Variants in DDX60 observed in about 807,000 individuals in gnomAD.
DDX60 encodes the protein probable ATP-dependent RNA helicase DDX60.
DDX60 carries 165 observed loss-of-function variants against 212.8 expected under a neutral mutation model. That is an observed-to-expected ratio of 0.78 (90% confidence interval 0.68 to 0.88). The LOEUF is 0.88. Among genes scored for constraint, DDX60 ranks in the 40% least tolerant of loss-of-function variants. The pLI is 0.00. For missense variants in DDX60, 1,905 were observed against 2,003.9 expected, an observed-to-expected ratio of 0.95 and a Z score of 0.94; for synonymous variants, 703 against 685.3, an observed-to-expected ratio of 1.03 and a Z score of -0.40.
intron 8 of DDX60, among the ~76,000 whole-genome samples, chr4:168,290,240 T>A (rs529016311): frequency 6.6e-6 from 1 of 152,120 alleles, no homozygotes; most frequent in East Asian, 1.9e-4. Context: ...TCCAGTTTCA[T>A]CCTCTCTGCA....
At position 168,308,170 on chromosome 4, in the gene DDX60, C is replaced by A; in HGVS notation, c.100G>T (p.Val34Phe). 6.4e-7 allele frequency: 1 copy of A among 1,571,256 alleles called. No homozygotes were observed. The highest frequency in any genetic ancestry group is 1.9e-5 in the Admixed American group (1 of 54,040). The change falls in exon 4 of 38, where the codon GTT becomes TTT. Residue 34 changes from valine to phenylalanine, a missense_variant. By Grantham distance (50) the Val-to-Phe change is conservative (BLOSUM62 -1). Coordinates refer to ENST00000393743, the MANE Select transcript of DDX60 (RefSeq NM_017631.6). ...TCAATCAAAAAAAATTCAGATTCAA[C>A]AAAATCATTGAATAAACTGGAATAT... ...AEYSSLFNDF[V>F]ESEFFLIDGD... is the part of the protein sequence containing the mutation.
intron 24 of DDX60, among the ~76,000 whole-genome samples, chr4:168,261,297 G>A (rs903268458): frequency 5.3e-5 from 8 of 152,078 alleles, no homozygotes; most frequent in African/African-American, 1.9e-4. Flanking sequence ...TATGACAGGA[G>A]GGCAAGTGTG....
chr4:168,245,865 T>A (rs1475632013), intron 30 of DDX60, among the ~76,000 whole-genome samples: 6 of 152,008 alleles, frequency 3.9e-5, no homozygotes, highest in African/African-American at 1.4e-4. Context: ...CATACAACGA[T>A]ATCAGTGTTT....
rs746694251 is a variant in DDX60 at position 168,311,087 on chromosome 4, G to A, written c.5-20C>T. ...TTCTTTCTAAATTTAAAAAAAAAGA[G>A]AGAAAGAGAATGGGTTATTTTTCAA... On this transcript the variant is annotated intron_variant, in intron 2 of 37. Coordinates refer to ENST00000393743, the MANE Select transcript of DDX60 (RefSeq NM_017631.6). 2.0e-6 allele frequency: 3 copies of A among 1,491,744 alleles called. No individual in the cohort carries two copies. Among genetic ancestry groups the A allele is most frequent in the Non-Finnish European group, 2.8e-6 (3 of 1,079,576 alleles). 92.4% of individuals were successfully genotyped at this position (1,491,744 alleles called of 1,614,324 possible). A position where few individuals can be genotyped will look rare whatever the true frequency, so the allele number is the denominator to read the frequency against.
At chr4:168,319,599 T>A (rs965204582), upstream of DDX60, among the ~76,000 whole-genome samples, 1 of 152,238 alleles carries the variant, frequency 6.6e-6, no homozygotes, top group Non-Finnish European at 1.5e-5. Flanking sequence ...CTCAAATTGA[T>A]GAAATGTTCT....
At chr4:168,268,067 C>A in intron 20 of DDX60, 84 bp from the exon 21 acceptor site, 1 of 1,202,378 alleles carries the variant, frequency 8.3e-7, no homozygotes, top group Admixed American at 2.3e-5. Context: ...AAGACAATTT[C>A]ATCTTCCTTA....
rs374855681 is a variant in DDX60, at chr4:168,225,588, C to T, written c.4622G>A (p.Arg1541Gln). ...KIMEDFTTFL[R>Q]IVSKLADMNQ... ...CATATCAGCCAGTTTGGAAACAATT[C>T]GTAGGAAAGTGGTAAAGTCCTCCAT... The change falls in exon 34 of 38, where the codon CGA becomes CAA. Residue 1541 changes from arginine to glutamine, a missense_variant. Physicochemically the swap from Arg to Gln is conservative, Grantham distance 43. Transcript: ENST00000393743. 108 of 1,611,256 alleles carry T rather than the reference C, an allele frequency of 6.7e-5. No individual in the cohort carries two copies. The highest frequency in any genetic ancestry group is 1.1e-4 in the East Asian group (5 of 44,570).
At chr4:168,220,618 A>T in intron 37 of DDX60, 37 bp downstream of exon 37, 3 of 1,145,652 alleles carry the variant, frequency 2.6e-6, no homozygotes, top group Non-Finnish European at 2.4e-6. Flanking sequence ...ATAAATTATT[A>T]AAAAATCTAA....
At chr4:168,275,596 G>T in intron 15 of DDX60, 93 bp from the exon 16 acceptor site, 2 of 1,100,998 alleles carry the variant, frequency 1.8e-6, no homozygotes, top group South Asian at 2.3e-5. Flanking sequence ...CTTTCTATGT[G>T]AAAAGCATTT....
intron 34 of DDX60, among the ~76,000 whole-genome samples, chr4:168,225,284 T>C (rs1733211563): frequency 6.6e-6 from 1 of 152,040 alleles, no homozygotes; most frequent in African/African-American, 2.4e-5. Context: ...CCTTACTCAG[T>C]TTTCCAGGCT....
intron 33 of DDX60, among the ~76,000 whole-genome samples, chr4:168,234,247 T>C (rs947584341): frequency 1.1e-4 from 16 of 152,126 alleles, no homozygotes; most frequent in African/African-American, 3.9e-4. Context: ...GTGTTATCTT[T>C]AATCAGCTTT....
intron 27 of DDX60, 144 bp from the exon 28 acceptor site, chr4:168,251,250 A>T: frequency 1.3e-6 from 1 of 745,348 alleles, no homozygotes; most frequent in East Asian, 2.8e-5. Flanking sequence ...TACAAAGAAC[A>T]TTATGGCAGC....
At chr4:168,319,698 T>C (rs992292430), upstream of DDX60, among the ~76,000 whole-genome samples, 1 of 152,180 alleles carries the variant, frequency 6.6e-6, no homozygotes, top group African/African-American at 2.4e-5. Flanking sequence ...ATTTCATTAA[T>C]GCTATAAATA....
At chr4:168,274,865 T>C (rs1735263007) in intron 16 of DDX60, among the ~76,000 whole-genome samples, 1 of 152,212 alleles carries the variant, frequency 6.6e-6, no homozygotes, top group South Asian at 2.1e-4. Flanking sequence ...TGGTTCAATG[T>C]ATGTAGAAAT....
At chr4:168,300,056 T>C (rs1736579612) in intron 6 of DDX60, among the ~76,000 whole-genome samples, 1 of 152,148 alleles carries the variant, frequency 6.6e-6, no homozygotes, top group Non-Finnish European at 1.5e-5. Flanking sequence ...AAAATGTTAG[T>C]AAACAGAATC....
At chr4:168,268,448 T>G (rs2149516369) in intron 20 of DDX60, among the ~76,000 whole-genome samples, 1 of 152,126 alleles carries the variant, frequency 6.6e-6, no homozygotes, top group Admixed American at 6.5e-5. Context: ...TAAAATGGGG[T>G]TTTCATCTAA....
intron 6 of DDX60, among the ~76,000 whole-genome samples, chr4:168,296,873 T>C (rs189004104): frequency 8.8e-6 from 1 of 113,762 alleles, no homozygotes; most frequent in Non-Finnish European, 1.8e-5. Context: ...CAAAAAGTGA[T>C]CTTTTTTTTT....
chr4:168,229,340 G>A (rs1229363509), intron 33 of DDX60, among the ~76,000 whole-genome samples: 2 of 152,034 alleles, frequency 1.3e-5, no homozygotes, highest in East Asian at 3.9e-4. Flanking sequence ...AGTGGGATAA[G>A]CACTCTGGGC....
Position 168,283,547 on chromosome 4 carries a change from A to G in DDX60, c.1621T>C (p.Phe541Leu). 6.2e-7 allele frequency: 1 copy of G among 1,613,398 alleles called. No homozygotes were observed. Among genetic ancestry groups the G allele is most frequent in the Non-Finnish European group, 8.5e-7 (1 of 1,179,610 alleles). Residue 541 changes from phenylalanine to leucine, a missense_variant, in exon 13 of 38, where the codon TTT (phenylalanine) becomes CTT (leucine). By Grantham distance (22) the Phe-to-Leu change is conservative. Coordinates refer to ENST00000393743, the MANE Select transcript of DDX60 (RefSeq NM_017631.6). ...SVQKYHVFQR[F>L]YGNSLETVSS... ...ACTGTTTCTAATGAATTCCCATAAA[A>G]CCGTTGGAAAACATGATACTTTTGC...
Sources: gnomAD v4.1 joint callset for allele counts (sites outside exome capture counted in the v4.1 genomes callset) on GRCh38, gnomAD v4.1.1 for gene constraint, MANE v1.5 for transcripts, NCBI Gene and HGNC (gene_info 2026-07-23, HGNC 2026-07-21) for gene names.